TJP1: variants seen among roughly 807,000 people sequenced by gnomAD.
TJP1 encodes the protein tight junction protein 1.
TJP1 carries 43 observed loss-of-function variants against 194.2 expected under a neutral mutation model. That is an observed-to-expected ratio of 0.22 (90% CI 0.17 to 0.29). The LOEUF (loss-of-function observed/expected upper bound fraction) is 0.29. TJP1 is among the 10% of genes least tolerant of loss of function. TJP1 has a pLI of 1.00. For missense variants in TJP1, 1,971 were observed against 2,185.7 expected, an observed-to-expected ratio of 0.90 and a Z score of 1.96; for synonymous variants, 801 against 779.0, an observed-to-expected ratio of 1.03 and a Z score of -0.47.
rs188867267 is a variant in TJP1, at chr15:29,795,193, G to A, written c.84+5453C>T. Among the ~76,000 whole-genome samples the A allele has an allele frequency of 1.7e-4, 26 of 152,230 alleles. No individual in the cohort carries two copies. In the East Asian group the frequency reaches 4.8e-3, roughly 28 times the overall value. On this transcript the variant is annotated intron_variant, in intron 2 of 27. Coordinates refer to ENST00000614355, the MANE Select transcript of TJP1 (RefSeq NM_001330239.4). ...AATCCCAGCACTTTGGGAGGCTGAG[G>A]TGGGAGGATTGCCTGAGGTCAGGAG...
chr15:29,805,429 T>A (rs1191698788), intron 1 of TJP1, among the ~76,000 whole-genome samples: 1 of 152,132 alleles, frequency 6.6e-6, no homozygotes, highest in African/African-American at 2.4e-5. Flanking sequence ...AGAGAAGATA[T>A]AAAGTATACT....
intron 2 of TJP1, among the ~76,000 whole-genome samples, chr15:29,940,867 C>T (rs2055048250): frequency 6.6e-6 from 1 of 152,136 alleles, no homozygotes; most frequent in Non-Finnish European, 1.5e-5. Flanking sequence ...CACCAATCAC[C>T]TCCAAGTGAC....
chr15:29,810,466 T>A (rs1004670602), intron 1 of TJP1, among the ~76,000 whole-genome samples: 8 of 152,342 alleles, frequency 5.3e-5, no homozygotes, highest in African/African-American at 1.9e-4. Flanking sequence ...TTCCAGCAAC[T>A]GCTTCCCCTC....
intron 2 of TJP1, among the ~76,000 whole-genome samples, chr15:29,949,124 ACCACCT>A (rs1434625577): frequency 7.5e-5 from 11 of 146,054 alleles, no homozygotes; most frequent in East Asian, 2.0e-4. Flanking sequence ...CTCTACAACC[ACCACCT>A]CCACCTCCAC....
At chr15:29,711,688 TATCTGGC>T (rs762362036) in intron 23 of TJP1, among the ~76,000 whole-genome samples, 11 of 152,246 alleles carry the variant, frequency 7.2e-5, no homozygotes, top group Non-Finnish European at 1.0e-4. Context: ...TCTGATTTTG[TATCTGGC>T]ATCTGGCATA....
intron 2 of TJP1, among the ~76,000 whole-genome samples, chr15:29,775,506 T>C (rs1165185124): frequency 6.6e-6 from 1 of 152,068 alleles, no homozygotes; most frequent in Non-Finnish European, 1.5e-5. Context: ...ATTAAACTTG[T>C]GAGTGGAAGA....
chr15:29,769,989 G>A (rs1452454018), intron 4 of TJP1, among the ~76,000 whole-genome samples: 1 of 152,042 alleles, frequency 6.6e-6, no homozygotes, highest in African/African-American at 2.4e-5. Context: ...TATTGTCACA[G>A]GAGATGATGG....
chr15:29,748,953 T>TGTGC (rs768387529), intron 8 of TJP1, among the ~76,000 whole-genome samples: 209 of 32,320 alleles, frequency 6.5e-3, no homozygotes, highest in African/African-American at 0.013. Context: ...TGTGTGTGTG[T>TGTGC]GCGCGTGTGT....
At chr15:29,959,049 G>T (rs1400618932) in intron 1 of TJP1, among the ~76,000 whole-genome samples, 1 of 151,726 alleles carries the variant, frequency 6.6e-6, no homozygotes, top group Non-Finnish European at 1.5e-5. Flanking sequence ...GAGTGCAGCG[G>T]CGCGATCTCA....
At chr15:29,752,550 A>G (rs1423089690) in intron 8 of TJP1, among the ~76,000 whole-genome samples, 1 of 152,182 alleles carries the variant, frequency 6.6e-6, no homozygotes, top group Non-Finnish European at 1.5e-5. Context: ...AACTAGAGAA[A>G]CTTAATCAAC....
intron 2 of TJP1, among the ~76,000 whole-genome samples, chr15:29,892,583 A>C (rs1267546360): frequency 6.6e-6 from 1 of 152,222 alleles, no homozygotes; most frequent in East Asian, 1.9e-4. Context: ...GGTGACTTTA[A>C]GTTGAAGCCA....
intron 2 of TJP1, among the ~76,000 whole-genome samples, chr15:29,861,831 G>A (rs995511697): frequency 2.0e-5 from 3 of 152,056 alleles, no homozygotes; most frequent in African/African-American, 7.2e-5. Flanking sequence ...AAGCACAAAA[G>A]TTTTAAATAT....
intron 8 of TJP1, 117 bp downstream of exon 8, chr15:29,761,022 A>G: frequency 1.6e-6 from 2 of 1,258,212 alleles, no homozygotes; most frequent in East Asian, 5.3e-5. Flanking sequence ...AGAAAAACAG[A>G]TCTAATCTTG....
intron 2 of TJP1, among the ~76,000 whole-genome samples, chr15:29,785,381 T>C (rs1386496418): frequency 6.6e-6 from 1 of 152,176 alleles, no homozygotes; most frequent in African/African-American, 2.4e-5. Flanking sequence ...ATGACTGCTT[T>C]TGCACTGAAC....
chr15:29,959,394 G>A (rs542829786), intron 1 of TJP1, among the ~76,000 whole-genome samples: 24 of 152,104 alleles, frequency 1.6e-4, no homozygotes, highest in Non-Finnish European at 2.9e-4. Context: ...TATTTTCTCA[G>A]GAGTTAGTTC....
intron 18 of TJP1, among the ~76,000 whole-genome samples, chr15:29,723,747 G>T (rs984256078): frequency 7.9e-5 from 12 of 152,172 alleles, no homozygotes; most frequent in African/African-American, 2.9e-4. Context: ...CTTTTGTTAA[G>T]TAATTAAGAA....
At chr15:29,709,159 A>G in intron 24 of TJP1, 123 bp from the exon 25 acceptor site, 1 of 883,958 alleles carries the variant, frequency 1.1e-6, no homozygotes, top group East Asian at 2.6e-5. Flanking sequence ...CCAGAGCCTG[A>G]CTCTTGAGCC....
intron 2 of TJP1, among the ~76,000 whole-genome samples, chr15:29,942,914 C>G (rs1030649680): frequency 2.6e-5 from 4 of 152,192 alleles, no homozygotes; most frequent in Non-Finnish European, 5.9e-5. Flanking sequence ...TGAATACTCT[C>G]TGTATTTTGG....
At chr15:29,706,945 G>A (rs1566855095) in intron 25 of TJP1, among the ~76,000 whole-genome samples, 1 of 152,132 alleles carries the variant, frequency 6.6e-6, no homozygotes, top group Non-Finnish European at 1.5e-5. Flanking sequence ...ATGAGCCACC[G>A]TGCCTGGCTG....
Sources: gnomAD v4.1 joint callset for allele counts (sites outside exome capture counted in the v4.1 genomes callset) on GRCh38, gnomAD v4.1.1 for gene constraint, MANE v1.5 for transcripts, NCBI Gene and HGNC (gene_info 2026-07-23, HGNC 2026-07-21) for gene names.